The following CERKL variants were observed in gnomAD, a reference collection of about 807,000 sequenced individuals.
CERKL encodes ceramide kinase-like protein.
A neutral mutation model predicts 63.4 loss-of-function variants in CERKL; 61 were observed. That is an observed-to-expected ratio of 0.96 (90% CI 0.78 to 1.19). The LOEUF (loss-of-function observed/expected upper bound fraction) is 1.19, where lower values mean the gene tolerates loss of function less well. Among genes scored for constraint, CERKL ranks in the 50% most tolerant of loss-of-function variants. The probability of loss-of-function intolerance (pLI) is 0.00; values close to 1 mark genes in which losing one functional copy is unlikely to be tolerated. For missense variants in CERKL, 675 were observed against 655.5 expected (o/e 1.03, Z -0.33); for synonymous variants, 250 against 230.5 (o/e 1.08, Z -0.77).
At chr2:181,578,250 ATG>A (rs1052575729) in intron 2 of CERKL, among the ~76,000 whole-genome samples, 8 of 129,186 alleles carry the variant, frequency 6.2e-5, no homozygotes, top group Admixed American at 5.7e-4. Context: ...GTGTATATAT[ATG>A]TGTGTGGGGG....
intron 1 of CERKL, among the ~76,000 whole-genome samples, chr2:181,632,190 A>G (rs891116714): frequency 1.3e-5 from 2 of 152,332 alleles, no homozygotes; most frequent in South Asian, 4.1e-4. Flanking sequence ...GTATTATTAA[A>G]TTTCAGTGGT....
At chr2:181,547,073 C>A (rs184504334) in intron 10 of CERKL, among the ~76,000 whole-genome samples, 1 of 152,070 alleles carries the variant, frequency 6.6e-6, no homozygotes, top group Non-Finnish European at 1.5e-5. Flanking sequence ...TCTTGTCTGC[C>A]GCCATGTGAG....
chr2:181,613,572 A>C (rs1334423458), intron 1 of CERKL, among the ~76,000 whole-genome samples: 1 of 152,244 alleles, frequency 6.6e-6, no homozygotes, highest in Non-Finnish European at 1.5e-5. Context: ...TGTTACAAGA[A>C]GAAATTAAAA....
Position 181,573,750 on chromosome 2 carries a change from T to C in CERKL, c.613+3A>G, listed in dbSNP as rs768790971. ...GTGAAATTATATTCTGAAAATTACT[T>C]ACTTGTTACATCAGTTTTTATTCCT... On this transcript the variant is annotated splice_donor_region_variant and intron_variant, in intron 3 of 12. Transcript: ENST00000410087. 3.7e-6 allele frequency: 6 copies of C among 1,611,408 alleles called. No individual in the cohort carries two copies. Among genetic ancestry groups the C allele is most frequent in the Non-Finnish European group, 5.1e-6 (6 of 1,178,148 alleles).
At chr2:181,645,489 A>C (rs1308519363) in intron 1 of CERKL, among the ~76,000 whole-genome samples, 1 of 152,254 alleles carries the variant, frequency 6.6e-6, no homozygotes, top group African/African-American at 2.4e-5. Context: ...CATGGACTGC[A>C]TCAAGTGCTC....
At chr2:181,568,780 A>G (rs1688775729) in intron 3 of CERKL, among the ~76,000 whole-genome samples, 1 of 150,616 alleles carries the variant, frequency 6.6e-6, no homozygotes, top group African/African-American at 2.5e-5. Context: ...GGTGCGCTGC[A>G]CCCACTAACT....
intron 2 of CERKL, among the ~76,000 whole-genome samples, chr2:181,578,047 T>C (rs998189582): frequency 6.6e-5 from 10 of 152,294 alleles, no homozygotes; most frequent in South Asian, 4.1e-4. Flanking sequence ...GCTTTCTCTA[T>C]AGGTAAATCA....
chr2:181,607,952 A>T (rs1191779728), intron 1 of CERKL, among the ~76,000 whole-genome samples: 5 of 152,238 alleles, frequency 3.3e-5, no homozygotes, highest in African/African-American at 1.2e-4. Context: ...GTATTTTCCA[A>T]AAATCAGCTA....
At chr2:181,656,386 C>T (rs570570805) in intron 1 of CERKL, among the ~76,000 whole-genome samples, 1 of 152,186 alleles carries the variant, frequency 6.6e-6, no homozygotes, top group East Asian at 1.9e-4. Flanking sequence ...TGGATTAAAA[C>T]TTTTTCAACT....
intron 3 of CERKL, among the ~76,000 whole-genome samples, chr2:181,566,709 C>T (rs141912476): frequency 1.5e-3 from 224 of 152,240 alleles, no homozygotes; most frequent in African/African-American, 3.1e-3. Context: ...TCAGACCCTC[C>T]GAGGAAATGA....
chr2:181,629,518 T>C (rs1686858631), intron 1 of CERKL, among the ~76,000 whole-genome samples: 1 of 152,090 alleles, frequency 6.6e-6, no homozygotes, highest in Admixed American at 6.6e-5. Flanking sequence ...TGGCAAGATT[T>C]ATCAGGAAGA....
chr2:181,608,709 C>A (rs779114955), intron 1 of CERKL, among the ~76,000 whole-genome samples: 6 of 152,088 alleles, frequency 3.9e-5, no homozygotes, highest in Non-Finnish European at 8.8e-5. Context: ...TTCAATTATT[C>A]TAGGCATTCT....
chr2:181,632,153 T>G (rs2105482308), intron 1 of CERKL, among the ~76,000 whole-genome samples: 1 of 152,332 alleles, frequency 6.6e-6, no homozygotes, highest in East Asian at 1.9e-4. Context: ...TTACATTACA[T>G]TCTATATCAT....
At chr2:181,655,700 A>T (rs1688124497) in intron 1 of CERKL, among the ~76,000 whole-genome samples, 1 of 152,274 alleles carries the variant, frequency 6.6e-6, no homozygotes, top group Non-Finnish European at 1.5e-5. Context: ...ATTCTGTAAC[A>T]TAAATACCAC....
rs1687139580 is a variant in CERKL at position 181,536,863 on chromosome 2, A to C, written c.*1321T>G. ...GCCTTCATAAGAGAGCTGTGGCCGA[A>C]TTTTGAACATCTGTTATAGGGAGTG... is the stretch of plus-strand genomic sequence containing the variant. On this transcript the variant is annotated 3_prime_UTR_variant, in exon 13 of 13. Transcript: ENST00000410087. The C allele has an allele frequency of 2.3e-6, 1 of 432,808 alleles. No individual in the cohort carries two copies. The highest frequency in any genetic ancestry group is 2.0e-5 in the African/African-American group (1 of 49,422). The allele number at this position is 432,808 out of a possible 1,614,324, so 26.8% of individuals were successfully genotyped here.
chr2:181,598,501 A>C (rs1685318772), intron 2 of CERKL, among the ~76,000 whole-genome samples: 1 of 151,872 alleles, frequency 6.6e-6, no homozygotes, highest in Non-Finnish European at 1.5e-5. Flanking sequence ...ACACCAACAG[A>C]ATCTCTTCCT....
intron 1 of CERKL, among the ~76,000 whole-genome samples, chr2:181,645,169 A>AT (rs1316279821): frequency 6.6e-5 from 10 of 152,064 alleles, no homozygotes; most frequent in African/African-American, 4.8e-5. Context: ...TCATTTAAGA[A>AT]TTTTTTTTAA....
At chr2:181,583,676 G>A (rs1378901394) in intron 2 of CERKL, among the ~76,000 whole-genome samples, 1 of 152,154 alleles carries the variant, frequency 6.6e-6, no homozygotes, top group Non-Finnish European at 1.5e-5. Flanking sequence ...GTGGGGACTA[G>A]TAATCAGAGC....
At chr2:181,602,872 C>G (rs1225860068) in intron 2 of CERKL, among the ~76,000 whole-genome samples, 2 of 152,120 alleles carry the variant, frequency 1.3e-5, no homozygotes, top group Non-Finnish European at 2.9e-5. Flanking sequence ...AACAGAAAAA[C>G]AAGCAAGATT....
Sources: allele counts gnomAD v4.1 joint callset (sites outside exome capture counted in the v4.1 genomes callset), GRCh38; gene constraint gnomAD v4.1.1; transcripts MANE v1.5; gene names NCBI Gene and HGNC (gene_info 2026-07-23, HGNC 2026-07-21).